TINAGL1: variants seen among roughly 807,000 people sequenced by gnomAD.
TINAGL1 encodes the protein tubulointerstitial nephritis antigen-like.
TINAGL1 carries 34 observed loss-of-function variants against 62.0 expected under a neutral mutation model. The observed-to-expected ratio is 0.55, with a 90% CI of 0.42 to 0.73. The LOEUF (loss-of-function observed/expected upper bound fraction) is 0.73, where lower values mean the gene tolerates loss of function less well. TINAGL1 is among the 30% of genes least tolerant of loss of function. The pLI, the probability that TINAGL1 is intolerant of heterozygous loss-of-function variation, is 0.00. For synonymous variants in TINAGL1, 221 were observed against 249.7 expected, an observed-to-expected ratio of 0.88 and a Z score of 1.08; for missense variants, 516 against 653.2, an observed-to-expected ratio of 0.79 and a Z score of 2.29.
intron 3 of TINAGL1, chr1:31,580,368 T>TGGCAGGAA: frequency 7.8e-7 from 1 of 1,287,776 alleles, no homozygotes; most frequent in Non-Finnish European, 1.0e-6. Context: ...AAGGAGGAGA[T>TGGCAGGAA]GGCAGGAAAG....
chr1:31,581,256 C>G (rs980767692), intron 3 of TINAGL1, among the ~76,000 whole-genome samples: 3 of 134,210 alleles, frequency 2.2e-5, no homozygotes, highest in Non-Finnish European at 3.2e-5. Flanking sequence ...TTACGTTCTT[C>G]AAAGATCTCT....
chr1:31,582,692 G>C (rs919640700), intron 3 of TINAGL1, among the ~76,000 whole-genome samples: 2 of 152,172 alleles, frequency 1.3e-5, no homozygotes, highest in Non-Finnish European at 2.9e-5. Context: ...AGGAGAGAAT[G>C]AGAGTGGTTC....
At position 31,583,624 on chromosome 1, in the gene TINAGL1, C is replaced by T. The variant is rs1639305756; in HGVS notation, c.582+49C>T. The T allele has an allele frequency of 6.6e-7, 1 of 1,509,972 alleles. No individual in the cohort carries two copies. The highest frequency in any genetic ancestry group is 9.0e-7 in the Non-Finnish European group (1 of 1,106,600). The allele number at this position is 1,509,972 out of a possible 1,614,324, so 93.5% of individuals were successfully genotyped here. On this transcript the variant is annotated intron_variant, in intron 5 of 11. Coordinates refer to ENST00000271064, the MANE Select transcript of TINAGL1 (RefSeq NM_022164.3). This position sits in a 1 kb window ranked among gnomAD's most constrained non-coding sequence, Gnocchi z 4.4. ...GCTGCCATCTCCCCATGGCTCAGAA[C>T]CTCAGGGATGCTGGCCCTGTGCCCT... is the stretch of plus-strand genomic sequence containing the variant.
At position 31,576,987 on chromosome 1, in the gene TINAGL1, G is replaced by A. The variant is rs1190129933; in HGVS notation, c.-15-147G>A. The A allele has an allele frequency of 2.9e-6, 2 of 700,398 alleles. No homozygotes were observed. The highest frequency in any genetic ancestry group is 4.5e-6 in the Non-Finnish European group (2 of 440,754). 43.4% of individuals were successfully genotyped at this position (700,398 alleles called of 1,614,324 possible). On this transcript the variant is annotated intron_variant, in intron 1 of 11. Transcript: ENST00000271064. The surrounding 1 kb of genome is among the most constrained non-coding windows in gnomAD (Gnocchi z 5.1). Reference sequence around the variant, plus strand: ...CTATAGCCAGGGCCCACACACTGGGGCTCCTCTGCCCGTGTCCTGCCTGGG... The same window carrying A: ...CTATAGCCAGGGCCCACACACTGGGACTCCTCTGCCCGTGTCCTGCCTGGG...
chr1:31,587,038 G>GC lies in TINAGL1; in HGVS notation c.*63dup. The GC allele has an allele frequency of 7.2e-7, 1 of 1,394,608 alleles. No individual in the cohort carries two copies. Among genetic ancestry groups the GC allele is most frequent in the Non-Finnish European group, 9.3e-7 (1 of 1,079,964 alleles). 86.4% of individuals were successfully genotyped at this position (1,394,608 alleles called of 1,614,324 possible). A position where few individuals can be genotyped will look rare whatever the true frequency, so the allele number is the denominator to read the frequency against. Reference sequence around the variant, plus strand: ...TCCAGGCTAAGGGCCGGCGGAAGAGGCCCCAATGGGGCGGTGACCCCAGCC... The same window carrying GC: ...TCCAGGCTAAGGGCCGGCGGAAGAGGCCCCCAATGGGGCGGTGACCCCAGCC... On this transcript the variant is annotated 3_prime_UTR_variant, in exon 12 of 12. Transcript: ENST00000271064.
Position 31,584,585 on chromosome 1 carries a change from G to A in TINAGL1, c.583-93G>A. The A allele has an allele frequency of 6.3e-7, 1 of 1,591,314 alleles. No individual in the cohort carries two copies. Among genetic ancestry groups the A allele is most frequent in the Admixed American group, 1.7e-5 (1 of 58,770 alleles). ...AGGGCTCAAGATTAAACTGCAGAAG[G>A]CCCTGGACTTGGTGGCCCTCCAGTG... On this transcript the variant is annotated intron_variant, in intron 5 of 11. Coordinates refer to ENST00000271064, the MANE Select transcript of TINAGL1 (RefSeq NM_022164.3). This position sits in a 1 kb window ranked among gnomAD's most constrained non-coding sequence, Gnocchi z 4.0.
intron 3 of TINAGL1, chr1:31,580,858 A>C (rs952866619): frequency 1.7e-5 from 18 of 1,076,378 alleles, no homozygotes; most frequent in Non-Finnish European, 2.1e-5. Flanking sequence ...AATGCAACAG[A>C]CACAGTCCTT....
Position 31,583,303 on chromosome 1 carries a change from A to T in TINAGL1, c.467+62A>T, listed in dbSNP as rs144218856. ...TGCATACTCATGCATGTATACACGC[A>T]TGCTGTGCTGTGGGGCACGTCCAGC... On this transcript the variant is annotated intron_variant, in intron 4 of 11. Coordinates refer to ENST00000271064, the MANE Select transcript of TINAGL1 (RefSeq NM_022164.3). This position sits in a 1 kb window ranked among gnomAD's most constrained non-coding sequence, Gnocchi z 4.4. The T allele has an allele frequency of 2.4e-4, 371 of 1,567,150 alleles. 2 individuals carry two copies. The African/African-American group carries it at 4.3e-3, about 18-fold the overall frequency.
At chr1:31,579,854 C>A (rs1639165668) in intron 3 of TINAGL1, 1 of 161,884 alleles carries the variant, frequency 6.2e-6, no homozygotes, top group Non-Finnish European at 1.4e-5. Flanking sequence ...AATGGGGAGC[C>A]TGCGACTTGG....
chr1:31,580,203 CT>C (rs1639194575), intron 3 of TINAGL1: 1 of 427,970 alleles, frequency 2.3e-6, no homozygotes, highest in Non-Finnish European at 3.0e-6. Flanking sequence ...CTCTCTCTCT[CT>C]CTCTCTCTGT....
chr1:31,587,317 G>T lies in TINAGL1; in HGVS notation c.*338G>T. Reference sequence around the variant, plus strand: ...AGCCCCACTACCCCACCCCACTCCTGTATTCTTTTTTTTTTTTTTTTAGAC... The same window carrying T: ...AGCCCCACTACCCCACCCCACTCCTTTATTCTTTTTTTTTTTTTTTTAGAC... On this transcript the variant is annotated 3_prime_UTR_variant, in exon 12 of 12. Coordinates refer to ENST00000271064, the MANE Select transcript of TINAGL1 (RefSeq NM_022164.3). The T allele has an allele frequency of 9.5e-6, 2 of 209,748 alleles. No homozygotes were observed. Among genetic ancestry groups the T allele is most frequent in the East Asian group, 1.0e-4 (1 of 9,726 alleles). 13.0% of individuals were successfully genotyped at this position (209,748 alleles called of 1,614,324 possible).
In TINAGL1 at chr1:31,585,631, G is replaced by T; in HGVS notation, c.1094-122G>T. 2 of 1,534,510 alleles carry T rather than the reference G, an allele frequency of 1.3e-6. No homozygotes were observed. The highest frequency in any genetic ancestry group is 2.5e-5 in the South Asian group (2 of 79,084). On this transcript the variant is annotated intron_variant, in intron 9 of 11. Coordinates refer to ENST00000271064, the MANE Select transcript of TINAGL1 (RefSeq NM_022164.3). This position sits in a 1 kb window ranked among gnomAD's most constrained non-coding sequence, Gnocchi z 4.3. ...TCCCCCCCTCCCACAGGCAGCACCT[G>T]GAGGGAGCACTTAGAGCTTTGGTAT... is the stretch of plus-strand genomic sequence containing the variant.
chr1:31,578,041 T>A, intron 2 of TINAGL1: 1 of 486,624 alleles, frequency 2.1e-6, no homozygotes, highest in Non-Finnish European at 2.7e-6. Context: ...TCTCTGGGCC[T>A]TGGCTTCCCC....
intron 3 of TINAGL1, among the ~76,000 whole-genome samples, chr1:31,582,860 G>C (rs958176447): frequency 1.3e-5 from 2 of 150,864 alleles, no homozygotes; most frequent in African/African-American, 2.4e-5. Flanking sequence ...ATAAGTGAGG[G>C]GGGTCAGGAA....
rs375532633 is a variant in TINAGL1, at chr1:31,583,445, G to A, written c.468-16G>A. ...CTCGGCAGATCTGTGACTTCCTTCCGTCCCCTCTCCTTCAGCTGGCAGGCT... is the reference window on the plus strand; with the variant it reads ...CTCGGCAGATCTGTGACTTCCTTCCATCCCCTCTCCTTCAGCTGGCAGGCT... On this transcript the variant is annotated splice_polypyrimidine_tract_variant and intron_variant, in intron 4 of 11. Transcript: ENST00000271064. The surrounding 1 kb of genome is among the most constrained non-coding windows in gnomAD (Gnocchi z 4.4). The A allele has an allele frequency of 8.4e-5, 136 of 1,610,166 alleles. No individual in the cohort carries two copies. Among genetic ancestry groups the A allele is most frequent in the Admixed American group, 4.5e-4 (27 of 59,720 alleles).
rs754784871 is a variant in TINAGL1 at position 31,587,021 on chromosome 1, A to G, written c.*42A>G. The G allele has an allele frequency of 7.1e-7, 1 of 1,414,346 alleles. No homozygotes were observed. The highest frequency in any genetic ancestry group is 1.6e-5 in the South Asian group (1 of 64,192). 87.6% of individuals were successfully genotyped at this position (1,414,346 alleles called of 1,614,324 possible). The stretch of plus-strand genomic sequence containing the variant: ...CGGGGTCCGGCCTGGGATCCAGGCT[A>G]AGGGCCGGCGGAAGAGGCCCCAATG... On this transcript the variant is annotated 3_prime_UTR_variant, in exon 12 of 12. Transcript: ENST00000271064.
At chr1:31,581,536 A>C (rs1639245637) in intron 3 of TINAGL1, among the ~76,000 whole-genome samples, 1 of 152,196 alleles carries the variant, frequency 6.6e-6, no homozygotes, top group African/African-American at 2.4e-5. Flanking sequence ...AGGAAAGAGC[A>C]GGCTTGTGGG....
At position 31,585,566 on chromosome 1, in the gene TINAGL1, C is replaced by T. The variant is rs1216730857; in HGVS notation, c.1093+81C>T. Reference sequence around the variant, plus strand: ...GGCACAGTAGCACAAGTGGCCTGCACAGCATTCAGCAGCATGTCCAGTAGG... The same window carrying T: ...GGCACAGTAGCACAAGTGGCCTGCATAGCATTCAGCAGCATGTCCAGTAGG... On this transcript the variant is annotated intron_variant, in intron 9 of 11. Transcript: ENST00000271064. The surrounding 1 kb of genome is among the most constrained non-coding windows in gnomAD (Gnocchi z 4.3). 10 of 1,576,128 alleles carry T rather than the reference C, an allele frequency of 6.3e-6. No individual in the cohort carries two copies. The highest frequency in any genetic ancestry group is 4.1e-5 in the African/African-American group (3 of 74,034).
In TINAGL1 at chr1:31,585,885, C is replaced by A; in HGVS notation, c.1217+9C>A. 1 of 1,573,184 alleles carries A rather than the reference C, an allele frequency of 6.4e-7. No homozygotes were observed. Among genetic ancestry groups the A allele is most frequent in the Non-Finnish European group, 8.6e-7 (1 of 1,158,588 alleles). On this transcript the variant is annotated intron_variant, in intron 10 of 11. Transcript: ENST00000271064. This position sits in a 1 kb window ranked among gnomAD's most constrained non-coding sequence, Gnocchi z 4.3. Reference sequence around the variant, plus strand: ...TCAGTCAAGATCACAGGGTGAGGGGCGTGTGGGCAGAGGGGGTTTGGGACA... The same window carrying A: ...TCAGTCAAGATCACAGGGTGAGGGGAGTGTGGGCAGAGGGGGTTTGGGACA...
Sources: allele counts gnomAD v4.1 joint callset (sites outside exome capture counted in the v4.1 genomes callset), GRCh38; gene constraint gnomAD v4.1.1; non-coding constraint Gnocchi (gnomAD v3.1); transcripts MANE v1.5; gene names NCBI Gene and HGNC (gene_info 2026-07-23, HGNC 2026-07-21).